TACC1: variants seen among roughly 807,000 people sequenced by gnomAD.
The protein encoded by TACC1 is transforming acidic coiled-coil containing protein 1.
A neutral mutation model predicts 84.4 loss-of-function variants in TACC1; 48 were observed. The observed-to-expected ratio is 0.57, with a 90% CI of 0.45 to 0.72. The LOEUF is 0.72. TACC1 is among the 30% of genes least tolerant of loss of function. The pLI is 0.00. For missense variants in TACC1, 920 were observed against 973.0 expected (o/e 0.95, Z 0.72); for synonymous variants, 372 against 376.3 (o/e 0.99, Z 0.13).
chr8:38,804,608 A>G (rs1401988507), intron 2 of TACC1, among the ~76,000 whole-genome samples: 1 of 151,752 alleles, frequency 6.6e-6, no homozygotes, highest in Non-Finnish European at 1.5e-5. Context: ...GCCTGTTGCA[A>G]TTTTTTATTT....
chr8:38,757,501 G>A (rs1040074263), intron 3 of TACC1: 32 of 1,083,678 alleles, frequency 3.0e-5, no homozygotes, highest in Non-Finnish European at 3.6e-5. Context: ...AGAAAGGCTG[G>A]GAAGGTGGGG....
At chr8:38,757,222 C>T (rs886529853) in intron 3 of TACC1, 5 of 273,076 alleles carry the variant, frequency 1.8e-5, no homozygotes, top group Non-Finnish European at 3.5e-5. Flanking sequence ...CCACCCCGCC[C>T]TCCCTCGCCC....
chr8:38,833,177 A>G (rs1392583801), intron 6 of TACC1, among the ~76,000 whole-genome samples: 1 of 152,042 alleles, frequency 6.6e-6, no homozygotes, highest in African/African-American at 2.4e-5. Context: ...TGTTGTTCTG[A>G]TTGGTTTTGT....
At chr8:38,759,347 G>A (rs1810753153) in intron 3 of TACC1, among the ~76,000 whole-genome samples, 1 of 152,186 alleles carries the variant, frequency 6.6e-6, no homozygotes, top group South Asian at 2.1e-4. Flanking sequence ...AGCTGAGGAT[G>A]AAAGTTGACT....
chr8:38,777,181 G>T (rs973098766), intron 3 of TACC1, among the ~76,000 whole-genome samples: 2 of 151,686 alleles, frequency 1.3e-5, no homozygotes, highest in Non-Finnish European at 1.5e-5. Flanking sequence ...GCTTGAACCC[G>T]GGAGGCAGAG....
At chr8:38,767,140 T>C (rs1812399121) in intron 3 of TACC1, among the ~76,000 whole-genome samples, 2 of 152,258 alleles carry the variant, frequency 1.3e-5, no homozygotes, top group Non-Finnish European at 1.5e-5. Flanking sequence ...CAAAATGTTA[T>C]GTTTCTATGG....
At chr8:38,810,587 G>A (rs1951685359) in intron 2 of TACC1, among the ~76,000 whole-genome samples, 1 of 152,116 alleles carries the variant, frequency 6.6e-6, no homozygotes, top group Non-Finnish European at 1.5e-5. Flanking sequence ...CTGGGTGACA[G>A]AGCAAGACCC....
chr8:38,762,280 C>T (rs1811357119), intron 3 of TACC1, among the ~76,000 whole-genome samples: 1 of 152,186 alleles, frequency 6.6e-6, no homozygotes, highest in Admixed American at 6.5e-5. Flanking sequence ...TAACTTTTCA[C>T]TCCTCCTTCC....
intron 3 of TACC1, among the ~76,000 whole-genome samples, chr8:38,824,481 G>T (rs910439483): frequency 2.6e-5 from 4 of 152,250 alleles, no homozygotes; most frequent in Admixed American, 6.5e-5. Context: ...ATTAGGGAAA[G>T]AAGATCATGA....
rs1057249331 is a variant in TACC1, at chr8:38,847,929, G to T, written c.2350-26G>T. On this transcript the variant is annotated intron_variant, in intron 12 of 12. Coordinates refer to ENST00000317827, the MANE Select transcript of TACC1 (RefSeq NM_006283.3). ...TTTATTTCAGAATACAAAGTGGCCT[G>T]CATAATTATGTCATTTGTCTTTCAG... is the stretch of plus-strand genomic sequence containing the variant. The T allele has an allele frequency of 5.6e-6, 9 of 1,603,734 alleles. No homozygotes were observed. In the African/African-American group the frequency reaches 1.2e-4, roughly 21 times the overall value.
At position 38,831,127 on chromosome 8, in the gene TACC1, A is replaced by G. The variant is rs568296244; in HGVS notation, c.1663A>G (p.Ile555Val). Residue 555 changes from isoleucine (I) to valine (V), a missense_variant and splice_region_variant, in exon 6 of 13, where the codon ATA (isoleucine) becomes GTA (valine). Transcript: ENST00000317827. ...ATAAAAATGACTTTCTGTCTTAGGC[A>G]TAGAGAAGGAGACGTGCCAGAAGAT... ...NHAFSSSEAG[I>V]EKETCQKMEE... The G allele has an allele frequency of 1.6e-5, 26 of 1,614,230 alleles. No individual in the cohort carries two copies. In the South Asian group the frequency reaches 2.6e-4, roughly 16 times the overall value.
intron 3 of TACC1, among the ~76,000 whole-genome samples, chr8:38,760,150 T>C (rs1209366007): frequency 1.3e-5 from 2 of 152,216 alleles, no homozygotes; most frequent in African/African-American, 4.8e-5. Context: ...AATAATCTAA[T>C]CAGGTACTAA....
chr8:38,841,899 C>T (rs1355427864), intron 9 of TACC1, among the ~76,000 whole-genome samples: 2 of 152,172 alleles, frequency 1.3e-5, no homozygotes, highest in African/African-American at 4.8e-5. Context: ...CACTAAATTG[C>T]CGAAATGATA....
chr8:38,842,593 G>GC, intron 10 of TACC1, 146 bp downstream of exon 10: 2 of 934,292 alleles, frequency 2.1e-6, no homozygotes, highest in Non-Finnish European at 1.5e-6. Flanking sequence ...CTCTATTCCA[G>GC]TGAAGCTGGA....
At chr8:38,751,920 A>G (rs1326001668) in intron 3 of TACC1, among the ~76,000 whole-genome samples, 1 of 152,188 alleles carries the variant, frequency 6.6e-6, no homozygotes, top group Non-Finnish European at 1.5e-5. Context: ...GAATCTGAGC[A>G]CATAAAAAGT....
intron 11 of TACC1, among the ~76,000 whole-genome samples, chr8:38,845,162 T>G (rs887010936): frequency 1.3e-5 from 2 of 152,212 alleles, no homozygotes; most frequent in Admixed American, 6.5e-5. Context: ...TGACCTCAAG[T>G]GATCCGCCCG....
chr8:38,833,278 C>A (rs1829614284), intron 6 of TACC1, among the ~76,000 whole-genome samples: 1 of 152,310 alleles, frequency 6.6e-6, no homozygotes, highest in South Asian at 2.1e-4. Flanking sequence ...CTTTACTGCC[C>A]CAACCAGAAA....
chr8:38,797,529 G>T (rs1448400156), intron 2 of TACC1, among the ~76,000 whole-genome samples: 1 of 152,142 alleles, frequency 6.6e-6, no homozygotes, highest in African/African-American at 2.4e-5. Flanking sequence ...TTGGCTTGTG[G>T]TCCTGCCATG....
At chr8:38,766,616 G>T (rs760589329) in intron 3 of TACC1, among the ~76,000 whole-genome samples, 3 of 152,204 alleles carry the variant, frequency 2.0e-5, no homozygotes, top group Non-Finnish European at 4.4e-5. Context: ...AACTTTTAGG[G>T]ATCTTTCCCT....
Sources: allele counts gnomAD v4.1 joint callset (sites outside exome capture counted in the v4.1 genomes callset), GRCh38; gene constraint gnomAD v4.1.1; transcripts MANE v1.5; gene names NCBI Gene and HGNC (gene_info 2026-07-23, HGNC 2026-07-21).